The following PCDH7 variants were observed in gnomAD, a reference collection of about 807,000 sequenced individuals.
PCDH7 encodes the protein protocadherin-7.
A neutral mutation model predicts 58.9 loss-of-function variants in PCDH7; 17 were observed. The observed-to-expected ratio is 0.29, with a 90% CI of 0.20 to 0.43. The LOEUF (loss-of-function observed/expected upper bound fraction) is 0.43. Among genes scored for constraint, PCDH7 ranks in the 20% least tolerant of loss-of-function variants. The pLI, the probability that PCDH7 is intolerant of heterozygous loss-of-function variation, is 1.00. For synonymous variants in PCDH7, 664 were observed against 616.4 expected (o/e 1.08, Z -1.14); for missense variants, 1,274 against 1,441.0 (o/e 0.88, Z 1.88).
At chr4:31,106,650 C>T (rs918523985) in intron 3 of PCDH7, among the ~76,000 whole-genome samples, 2 of 152,258 alleles carry the variant, frequency 1.3e-5, no homozygotes, top group Non-Finnish European at 2.9e-5. Flanking sequence ...ACTTCCTGGC[C>T]CCAGAAGGCC....
At chr4:31,094,573 G>C (rs1340985029) in intron 3 of PCDH7, among the ~76,000 whole-genome samples, 1 of 152,130 alleles carries the variant, frequency 6.6e-6, no homozygotes, top group Non-Finnish European at 1.5e-5. Flanking sequence ...AAGCATTTGT[G>C]ATCAACAGAA....
intron 3 of PCDH7, among the ~76,000 whole-genome samples, chr4:30,951,195 G>A (rs552790455): frequency 2.0e-5 from 3 of 152,170 alleles, no homozygotes; most frequent in South Asian, 2.1e-4. Context: ...TCTTTAAAAC[G>A]GTAGCAGAAT....
At chr4:30,731,712 C>T (rs1017810074) in exon 2 of PCDH7, 2 of 152,010 alleles carry the variant, frequency 1.3e-5, no homozygotes, top group African/African-American at 4.8e-5. Context: ...AAGAGTTCAG[C>T]ATGTTACATA....
At position 31,092,131 on chromosome 4, in the gene PCDH7, G is replaced by T. The variant is rs890018385; in HGVS notation, c.*8-50342G>T. The stretch of plus-strand genomic sequence containing the variant: ...TTGATGTGCAATAGGATTTTCTTAT[G>T]AATAAGAAAAGTAATCAACAAATAT... On this transcript the variant is annotated intron_variant, in intron 3 of 3. Transcript: ENST00000509759. 2.0e-5 allele frequency among the ~76,000 whole-genome samples: 3 copies of T among 151,838 alleles called. No individual in the cohort carries two copies. In the South Asian group the frequency reaches 6.2e-4, roughly 31 times the overall value.
intron 1 of PCDH7, among the ~76,000 whole-genome samples, chr4:30,794,733 T>A (rs1268333384): frequency 2.0e-5 from 3 of 152,130 alleles, no homozygotes; most frequent in South Asian, 2.1e-4. Context: ...TTATACATTT[T>A]AAATTTTTAA....
chr4:30,720,988 C>T lies in PCDH7; in HGVS notation c.-435C>T, dbSNP rs909864199. On this transcript the variant is annotated 5_prime_UTR_variant, in exon 1 of 2. Coordinates refer to ENST00000361762, the Ensembl canonical transcript of PCDH7. This position sits in a 1 kb window ranked among gnomAD's most constrained non-coding sequence, Gnocchi z 4.7. The stretch of plus-strand genomic sequence containing the variant: ...CTCATTCCCCACCTCTTCCCAGCCC[C>T]ACTGCCCGTCTGCCGGAGCGGTTCT... 1 of 168,718 alleles carries T rather than the reference C, an allele frequency of 5.9e-6. No homozygotes were observed. The highest frequency in any genetic ancestry group is 6.3e-5 in the Admixed American group (1 of 15,908). 10.5% of individuals were successfully genotyped at this position (168,718 alleles called of 1,614,324 possible).
At chr4:30,821,685 T>C (rs1728395730) in intron 1 of PCDH7, among the ~76,000 whole-genome samples, 2 of 152,318 alleles carry the variant, frequency 1.3e-5, no homozygotes, top group East Asian at 1.9e-4. Flanking sequence ...ACAGATTTCC[T>C]TAATAATCTT....
intron 3 of PCDH7, among the ~76,000 whole-genome samples, chr4:31,036,795 T>C (rs1347890001): frequency 6.6e-6 from 1 of 152,128 alleles, no homozygotes; most frequent in African/African-American, 2.4e-5. Context: ...GACTGGGCAA[T>C]TTACTAAAGA....
Position 30,723,038 on chromosome 4 carries a change from T to C in PCDH7, c.1616T>C (p.Val539Ala). 5 of 1,613,766 alleles carry C rather than the reference T, an allele frequency of 3.1e-6. No homozygotes were observed. The highest frequency in any genetic ancestry group is 1.1e-5 in the South Asian group (1 of 91,074). ...AACCCGCCCATGTTCGGCCAGTCGG[T>C]GGTGGAGGTTTACTTCCCTGAGAAC... Residue 539 changes from valine (V) to alanine (A), a missense_variant, in exon 1 of 2, where the codon GTG becomes GCG. This residue lies in a region of PCDH7 where 731 missense variants were observed against 881.9 expected (regional missense o/e 0.83). Coordinates refer to ENST00000361762, the Ensembl canonical transcript of PCDH7. The surrounding 1 kb of genome is among the most constrained non-coding windows in gnomAD (Gnocchi z 4.6).
intron 1 of PCDH7, among the ~76,000 whole-genome samples, chr4:30,765,430 T>G (rs1720621125): frequency 6.6e-6 from 1 of 152,018 alleles, no homozygotes. Context: ...GTTTTAGTAT[T>G]TTGGTGTGTT....
chr4:30,948,225 C>T (rs1746947523), intron 2 of PCDH7, among the ~76,000 whole-genome samples: 1 of 151,430 alleles, frequency 6.6e-6, no homozygotes. Context: ...ATAATCTACC[C>T]TTCTTAAAGC....
intron 1 of PCDH7, among the ~76,000 whole-genome samples, chr4:30,830,053 GCT>G (rs1387797171): frequency 6.6e-6 from 1 of 151,740 alleles, no homozygotes; most frequent in Non-Finnish European, 1.5e-5. Context: ...ATTTTTTATT[GCT>G]CTTTGTTTAA....
intron 1 of PCDH7, among the ~76,000 whole-genome samples, chr4:30,789,685 A>G (rs1027807441): frequency 6.6e-6 from 1 of 152,132 alleles, no homozygotes; most frequent in Non-Finnish European, 1.5e-5. Context: ...GATAATCTTC[A>G]GAAAGCCTTA....
intron 3 of PCDH7, among the ~76,000 whole-genome samples, chr4:31,091,624 G>T (rs1197932221): frequency 6.6e-6 from 1 of 151,676 alleles, no homozygotes; most frequent in Admixed American, 6.6e-5. Context: ...AAGATGAAAA[G>T]GATAGCATAA....
chr4:30,905,336 AATTTACC>A (rs1334283168), intron 1 of PCDH7, among the ~76,000 whole-genome samples: 1 of 152,128 alleles, frequency 6.6e-6, no homozygotes, highest in Non-Finnish European at 1.5e-5. Flanking sequence ...CCAACTGTGT[AATTTACC>A]ATGTAGGTTT....
At chr4:31,135,980 A>C (rs1298350398) in intron 3 of PCDH7, among the ~76,000 whole-genome samples, 3 of 152,200 alleles carry the variant, frequency 2.0e-5, no homozygotes, top group Non-Finnish European at 2.9e-5. Context: ...AACACATTCA[A>C]TTCTCACAGT....
intron 1 of PCDH7, among the ~76,000 whole-genome samples, chr4:30,814,661 C>T (rs1306123991): frequency 6.6e-6 from 1 of 151,952 alleles, no homozygotes; most frequent in Non-Finnish European, 1.5e-5. Context: ...TTAATAATTG[C>T]TACAAAGATA....
chr4:30,743,006 C>T (rs951170406), intron 1 of PCDH7, among the ~76,000 whole-genome samples: 8 of 152,068 alleles, frequency 5.3e-5, no homozygotes, highest in African/African-American at 1.4e-4. Context: ...ATTAATTCAT[C>T]TAATACTCTC....
At chr4:31,127,086 AAC>A (rs945909462) in intron 3 of PCDH7, among the ~76,000 whole-genome samples, 1 of 152,188 alleles carries the variant, frequency 6.6e-6, no homozygotes, top group African/African-American at 2.4e-5. Flanking sequence ...CAAAAACAAA[AAC>A]AAAAAAGAGA....
Sources: allele counts gnomAD v4.1 joint callset (sites outside exome capture counted in the v4.1 genomes callset), GRCh38; gene constraint gnomAD v4.1.1; regional missense constraint gnomAD v4.1.1; non-coding constraint Gnocchi (gnomAD v3.1); transcripts MANE v1.5; gene names NCBI Gene and HGNC (gene_info 2026-07-23, HGNC 2026-07-21).